The following UGGT2 variants were observed in gnomAD, a reference collection of about 807,000 sequenced individuals.
UGGT2 encodes UDP-glucose glycoprotein glucosyltransferase 2.
Under a neutral mutation model 192.1 loss-of-function variants are expected in UGGT2, and 180 were observed. The observed-to-expected ratio is 0.94, with a 90% CI of 0.83 to 1.06. UGGT2 has a LOEUF of 1.06. Ranked by LOEUF, UGGT2 falls within the 50% of genes least tolerant of loss-of-function variation. UGGT2 has a pLI of 0.00. For missense variants in UGGT2, 1,849 were observed against 1,795.7 expected (o/e 1.03, Z -0.54); for synonymous variants, 580 against 591.0 (o/e 0.98, Z 0.27).
chr13:95,947,227 A>G (rs572753126), intron 14 of UGGT2, 55 bp from the exon 15 acceptor site: 193 of 1,465,604 alleles, frequency 1.3e-4, no homozygotes, highest in African/African-American at 7.7e-4. Context: ...ATCACAATAA[A>G]CCATTATTTA....
chr13:95,853,805 T>TA (rs752864366), intron 35 of UGGT2, 148 bp from the exon 36 acceptor site: 28 of 517,512 alleles, frequency 5.4e-5, no homozygotes, highest in Non-Finnish European at 8.1e-5. Flanking sequence ...TTGCTCCTAA[T>TA]ATCTAATACT....
chr13:96,045,012 T>C (rs1729884906), intron 1 of UGGT2, among the ~76,000 whole-genome samples: 1 of 151,942 alleles, frequency 6.6e-6, no homozygotes, highest in Non-Finnish European at 1.5e-5. Context: ...ATCATCCGAA[T>C]ACCAAAACCA....
chr13:96,024,251 A>G (rs1268534794), intron 2 of UGGT2, among the ~76,000 whole-genome samples: 4 of 152,192 alleles, frequency 2.6e-5, no homozygotes, highest in Non-Finnish European at 5.9e-5. Flanking sequence ...CTTCAAAACT[A>G]AATGTCATCT....
chr13:96,036,817 T>C (rs970160498), intron 1 of UGGT2, among the ~76,000 whole-genome samples: 1 of 152,196 alleles, frequency 6.6e-6, no homozygotes, highest in African/African-American at 2.4e-5. Context: ...TGGAGTGCAG[T>C]GGTGCAAACA....
chr13:95,941,945 T>A (rs1398721798), intron 15 of UGGT2, among the ~76,000 whole-genome samples: 1 of 152,136 alleles, frequency 6.6e-6, no homozygotes, highest in Non-Finnish European at 1.5e-5. Context: ...AATTCTAGAG[T>A]TTTATGCGAA....
chr13:95,946,044 CTA>C (rs1358236664), intron 15 of UGGT2, among the ~76,000 whole-genome samples: 1 of 137,544 alleles, frequency 7.3e-6, no homozygotes, highest in Non-Finnish European at 1.7e-5. Context: ...ATTTTATAAG[CTA>C]TGACTTATTT....
intron 17 of UGGT2, among the ~76,000 whole-genome samples, chr13:95,932,307 T>TGTG (rs1566720000): frequency 9.3e-6 from 1 of 107,270 alleles, no homozygotes; most frequent in South Asian, 3.3e-4. Flanking sequence ...CCTAGGTATT[T>TGTG]TATTTGTGTG....
In UGGT2 at chr13:95,947,901, C is replaced by T. The variant is rs558607982; in HGVS notation, c.1541+95G>A. The stretch of plus-strand genomic sequence containing the variant: ...TATGTCAGGCACTAGAGCTAACCAT[C>T]GCTTTGAATGCCCTATTAATACTCT... On this transcript the variant is annotated intron_variant, in intron 14 of 38. Transcript: ENST00000376747. The T allele has an allele frequency of 7.3e-6, 7 of 961,806 alleles. No homozygotes were observed. In the East Asian group the frequency reaches 1.3e-4, roughly 18 times the overall value. 59.6% of individuals were successfully genotyped at this position (961,806 alleles called of 1,614,324 possible). A position where few individuals can be genotyped will look rare whatever the true frequency, so the allele number is the denominator to read the frequency against.
intron 12 of UGGT2, among the ~76,000 whole-genome samples, chr13:95,966,094 C>A (rs1386026786): frequency 1.3e-5 from 2 of 152,134 alleles, no homozygotes. Context: ...CCTGCACTTG[C>A]CTGTTTATTA....
intron 38 of UGGT2, among the ~76,000 whole-genome samples, chr13:95,810,918 G>T (rs1488573902): frequency 6.6e-6 from 1 of 151,960 alleles, no homozygotes; most frequent in Non-Finnish European, 1.5e-5. Flanking sequence ...ACAACAAAAA[G>T]AAAACACAAT....
At chr13:96,002,386 A>G (rs891609626) in intron 5 of UGGT2, among the ~76,000 whole-genome samples, 3 of 152,212 alleles carry the variant, frequency 2.0e-5, no homozygotes, top group Non-Finnish European at 4.4e-5. Flanking sequence ...CTTTTCTGAA[A>G]ACACTTTCAT....
intron 1 of UGGT2, 125 bp downstream of exon 1, chr13:96,053,030 G>A: frequency 7.8e-7 from 1 of 1,288,048 alleles, no homozygotes; most frequent in Non-Finnish European, 1.0e-6. Flanking sequence ...GATGCTCAGG[G>A]CCAGAGCGGG....
At chr13:95,998,955 T>G (rs999336051) in intron 6 of UGGT2, among the ~76,000 whole-genome samples, 7 of 152,182 alleles carry the variant, frequency 4.6e-5, no homozygotes, top group Non-Finnish European at 1.0e-4. Context: ...GGTGCTGAAA[T>G]GGTTGGGAGC....
chr13:96,023,088 G>T lies in UGGT2; in HGVS notation c.437C>A (p.Thr146Asn). 6.3e-7 allele frequency: 1 copy of T among 1,594,252 alleles called. No individual in the cohort carries two copies. The highest frequency in any genetic ancestry group is 8.6e-7 in the Non-Finnish European group (1 of 1,169,058). ...CTTTTTAATCTCATTAATTTTACAGGTGTGCTTCTTATGAATAACCACAAA... is the reference window on the plus strand; with the variant it reads ...CTTTTTAATCTCATTAATTTTACAGTTGTGCTTCTTATGAATAACCACAAA... ...NAFVVIHKKHTCKINEIKKLL... is the reference protein window; with the variant it reads ...NAFVVIHKKHNCKINEIKKLL... The change falls in exon 4 of 39, where the codon ACC becomes AAC. Residue 146 changes from threonine to asparagine, a missense_variant. Transcript: ENST00000376747.
intron 22 of UGGT2, among the ~76,000 whole-genome samples, chr13:95,899,207 C>T (rs1177785231): frequency 6.6e-6 from 1 of 152,188 alleles, no homozygotes; most frequent in Non-Finnish European, 1.5e-5. Flanking sequence ...GTCAGCCTTA[C>T]ATTTCCAAGC....
At chr13:95,930,977 C>A (rs1420623090) in intron 17 of UGGT2, among the ~76,000 whole-genome samples, 1 of 145,336 alleles carries the variant, frequency 6.9e-6, no homozygotes, top group African/African-American at 2.4e-5. Flanking sequence ...AAACCTCCCA[C>A]AGCATGGAAA....
intron 34 of UGGT2, among the ~76,000 whole-genome samples, chr13:95,855,330 C>T (rs543532580): frequency 1.3e-5 from 2 of 151,794 alleles, no homozygotes; most frequent in African/African-American, 4.8e-5. Context: ...TAAATTCTAA[C>T]TTATCCATTT....
chr13:95,947,300 A>G (rs9561994), intron 14 of UGGT2, 128 bp from the exon 15 acceptor site: 52,746 of 1,017,922 alleles, frequency 0.052, 2,332 homozygotes, highest in East Asian at 0.21. Context: ...AGAAAAGGAG[A>G]ATTTTATCAC....
At chr13:95,868,437 T>A (rs556373845) in intron 29 of UGGT2, among the ~76,000 whole-genome samples, 29 of 151,686 alleles carry the variant, frequency 1.9e-4, no homozygotes, top group South Asian at 1.0e-3. Context: ...CTGCAAAAAA[T>A]TTTTTTTTAA....
Sources: allele counts gnomAD v4.1 joint callset (sites outside exome capture counted in the v4.1 genomes callset), GRCh38; gene constraint gnomAD v4.1.1; transcripts MANE v1.5; gene names NCBI Gene and HGNC (gene_info 2026-07-23, HGNC 2026-07-21).